The following PALD1 variants were observed in gnomAD, a reference collection of about 807,000 sequenced individuals.
PALD1 encodes phosphatase domain containing paladin 1.
In PALD1, 57 loss-of-function variants were observed where a neutral mutation model predicts 96.0. The ratio of observed to expected loss-of-function variants is 0.59; its 90% CI spans 0.48 to 0.74. PALD1 has a LOEUF of 0.74. Ranked by LOEUF, PALD1 falls within the 30% of genes least tolerant of loss-of-function variation. The pLI, the probability that PALD1 is intolerant of heterozygous loss-of-function variation, is 0.00. For synonymous variants in PALD1, 464 were observed against 473.6 expected (o/e 0.98, Z 0.26); for missense variants, 1,063 against 1,143.7 (o/e 0.93, Z 1.02).
Position 70,533,903 on chromosome 10 carries a change from T to G in PALD1, c.871-19T>G. 6.4e-7 allele frequency: 1 copy of G among 1,561,982 alleles called. No homozygotes were observed. The highest frequency in any genetic ancestry group is 8.7e-7 in the Non-Finnish European group (1 of 1,151,104). ...GTTTCCTGGTCTCACTGGGGCCTGATCCTCATGGTCTTTCCCAGGAGACCC... is the reference window on the plus strand; with the variant it reads ...GTTTCCTGGTCTCACTGGGGCCTGAGCCTCATGGTCTTTCCCAGGAGACCC... On this transcript the variant is annotated intron_variant, in intron 7 of 19. Transcript: ENST00000263563.
intron 12 of PALD1, among the ~76,000 whole-genome samples, 188 bp from the exon 13 acceptor site, chr10:70,538,704 T>A (rs1007292405): frequency 6.6e-6 from 1 of 152,214 alleles, no homozygotes; most frequent in Non-Finnish European, 1.5e-5. Flanking sequence ...AGCTTCCTGG[T>A]CCAGAGAGTG....
intron 18 of PALD1, among the ~76,000 whole-genome samples, chr10:70,550,764 G>A (rs1847464471): frequency 6.6e-6 from 1 of 152,148 alleles, no homozygotes; most frequent in South Asian, 2.1e-4. Flanking sequence ...TTAGCATAAT[G>A]TTTGAAGGTT....
chr10:70,521,515 C>G (rs764685266), intron 1 of PALD1, among the ~76,000 whole-genome samples: 3 of 152,016 alleles, frequency 2.0e-5, no homozygotes, highest in African/African-American at 7.2e-5. Context: ...AATGTTCTTC[C>G]CTTAAAGCAA....
chr10:70,473,103 G>A, the PALD1 span, among the ~76,000 whole-genome samples: 3 of 152,134 alleles, frequency 2.0e-5, no homozygotes, highest in Non-Finnish European at 2.9e-5. Context: ...ACAAACCTCC[G>A]TACATTGCTA....
upstream of PALD1, among the ~76,000 whole-genome samples, chr10:70,476,585 G>C (rs1361852545): frequency 6.6e-6 from 1 of 152,180 alleles, no homozygotes; most frequent in Non-Finnish European, 1.5e-5. Context: ...GAACCTCCAA[G>C]CCCTCAGCCC....
chr10:70,462,709 C>G, the PALD1 span, among the ~76,000 whole-genome samples: 1 of 152,254 alleles, frequency 6.6e-6, no homozygotes, highest in South Asian at 2.1e-4. Flanking sequence ...GGCACTGTGC[C>G]TCCTGTGCCC....
At chr10:70,551,121 G>A (rs948802074) in intron 18 of PALD1, among the ~76,000 whole-genome samples, 12 of 152,214 alleles carry the variant, frequency 7.9e-5, no homozygotes, top group Non-Finnish European at 1.6e-4. Context: ...AGACCATGTT[G>A]TCCTTGACCC....
At chr10:70,469,241 G>A in the PALD1 span, among the ~76,000 whole-genome samples, 10 of 152,136 alleles carry the variant, frequency 6.6e-5, no homozygotes, top group African/African-American at 7.2e-5. Context: ...ACATTCTACC[G>A]TGGCCTTAAA....
chr10:70,470,409 G>C, the PALD1 span, among the ~76,000 whole-genome samples: 2 of 152,080 alleles, frequency 1.3e-5, no homozygotes. Flanking sequence ...TGGGAGGTCA[G>C]TCTGCTCCCC....
At chr10:70,564,292 G>A in intron 18 of PALD1, 72 bp from the exon 19 acceptor site, 3 of 1,478,524 alleles carry the variant, frequency 2.0e-6, no homozygotes, top group Non-Finnish European at 2.8e-6. Context: ...ACTCAGGGCA[G>A]CAGGGTGGCA....
At chr10:70,559,450 T>G (rs967269140) in intron 18 of PALD1, among the ~76,000 whole-genome samples, 6 of 151,876 alleles carry the variant, frequency 4.0e-5, no homozygotes, top group African/African-American at 1.5e-4. Context: ...AATCACAGGG[T>G]TTTGGGCAGA....
chr10:70,546,472 A>T (rs1341798315), intron 17 of PALD1, among the ~76,000 whole-genome samples: 2 of 152,048 alleles, frequency 1.3e-5, no homozygotes, highest in Admixed American at 1.3e-4. Context: ...CTCCTGTGAG[A>T]ACTGTGTGCA....
chr10:70,488,556 T>G (rs1280169931), intron 1 of PALD1, among the ~76,000 whole-genome samples: 1 of 152,216 alleles, frequency 6.6e-6, no homozygotes, highest in African/African-American at 2.4e-5. Flanking sequence ...CCTTTGGTCT[T>G]TTTTCTGTAC....
chr10:70,547,252 G>A, intron 17 of PALD1, 54 bp from the exon 18 acceptor site: 1 of 1,572,706 alleles, frequency 6.4e-7, no homozygotes, highest in Non-Finnish European at 8.7e-7. Flanking sequence ...CTGGTGCTTG[G>A]GCTGAGGGCT....
chr10:70,460,813 T>C, the PALD1 span, among the ~76,000 whole-genome samples: 2 of 152,202 alleles, frequency 1.3e-5, no homozygotes, highest in Non-Finnish European at 2.9e-5. Flanking sequence ...CTCAGCACTT[T>C]GGGAGGCCGA....
chr10:70,560,989 G>T (rs1847727619), intron 18 of PALD1, among the ~76,000 whole-genome samples: 1 of 152,174 alleles, frequency 6.6e-6, no homozygotes. Context: ...ATGGGCAATT[G>T]TCTCAAATCA....
intron 1 of PALD1, among the ~76,000 whole-genome samples, chr10:70,481,633 A>G (rs1043725005): frequency 6.6e-6 from 1 of 152,154 alleles, no homozygotes; most frequent in African/African-American, 2.4e-5. Flanking sequence ...CCAGAATAGG[A>G]GAGGAACTGT....
chr10:70,564,616 C>A (rs1237946707), intron 19 of PALD1, 97 bp downstream of exon 19: 1 of 1,185,956 alleles, frequency 8.4e-7, no homozygotes, highest in Non-Finnish European at 1.2e-6. Flanking sequence ...CCTGCGGGGA[C>A]CCCGTGACAG....
intron 17 of PALD1, among the ~76,000 whole-genome samples, chr10:70,542,213 C>T (rs545365663): frequency 1.6e-4 from 24 of 152,330 alleles, no homozygotes; most frequent in South Asian, 8.3e-4. Flanking sequence ...TTTGCATATG[C>T]GGTGCCTTCT....
Sources: gnomAD v4.1 joint callset for allele counts (sites outside exome capture counted in the v4.1 genomes callset) on GRCh38, gnomAD v4.1.1 for gene constraint, MANE v1.5 for transcripts, NCBI Gene and HGNC (gene_info 2026-07-23, HGNC 2026-07-21) for gene names.